The following C5orf52 variants were observed in gnomAD, a reference collection of about 807,000 sequenced individuals.
C5orf52 encodes uncharacterized protein C5orf52.
C5orf52 carries 15 observed loss-of-function variants against 16.8 expected under a neutral mutation model. The ratio of observed to expected loss-of-function variants is 0.89; its 90% CI spans 0.60 to 1.38. The LOEUF (loss-of-function observed/expected upper bound fraction) is 1.38, where lower values mean the gene tolerates loss of function less well. C5orf52 is among the 40% of genes most tolerant of loss of function. The pLI is 0.00. For missense variants in C5orf52, 206 were observed against 213.1 expected, an observed-to-expected ratio of 0.97 and a Z score of 0.21; for synonymous variants, 83 against 87.2, an observed-to-expected ratio of 0.95 and a Z score of 0.27.
intron 1 of C5orf52, among the ~76,000 whole-genome samples, chr5:157,674,066 C>T (rs951601496): frequency 4.6e-5 from 7 of 152,298 alleles, no homozygotes; most frequent in Admixed American, 2.0e-4. Context: ...ATCCACTTTT[C>T]ACCATTTTCT....
rs1759791061 is a variant in C5orf52, at chr5:157,671,588, A to G, written c.-27A>G. ...GGCTGGCAACCAGCCACCAGTTTCC[A>G]ACTCTTTCTCCAACAGGGAAGCCGC... On this transcript the variant is annotated 5_prime_UTR_variant, in exon 1 of 3. Transcript: ENST00000409999. The G allele has an allele frequency of 6.5e-7, 1 of 1,533,034 alleles. No homozygotes were observed. Among genetic ancestry groups the G allele is most frequent in the Admixed American group, 2.1e-5 (1 of 47,932 alleles). The allele number at this position is 1,533,034 out of a possible 1,614,324, so 95.0% of individuals were successfully genotyped here.
intron 1 of C5orf52, among the ~76,000 whole-genome samples, chr5:157,673,841 C>CACCATCTTTGCCAGGCTGTTCTG (rs1323046225): frequency 6.6e-6 from 1 of 152,064 alleles, no homozygotes; most frequent in Non-Finnish European, 1.5e-5. Context: ...GATGGGGTTT[C>CACCATCTTTGCCAGGCTGTTCTG]ACCATCTTTG....
chr5:157,679,763 TG>T, intron 2 of C5orf52, 77 bp from the exon 3 acceptor site: 1 of 1,369,444 alleles, frequency 7.3e-7, no homozygotes, highest in East Asian at 2.5e-5. Context: ...GTAGCACAGA[TG>T]TCTGCCCTGC....
At position 157,671,580 on chromosome 5, in the gene C5orf52, C is replaced by G; in HGVS notation, c.-35C>G. 1.3e-6 allele frequency: 2 copies of G among 1,518,014 alleles called. No individual in the cohort carries two copies. Among genetic ancestry groups the G allele is most frequent in the East Asian group, 2.5e-5 (1 of 40,500 alleles). 94.0% of individuals were successfully genotyped at this position (1,518,014 alleles called of 1,614,324 possible). A position where few individuals can be genotyped will look rare whatever the true frequency, so the allele number is the denominator to read the frequency against. ...CCTAGGTGGGCTGGCAACCAGCCAC[C>G]AGTTTCCAACTCTTTCTCCAACAGG... On this transcript the variant is annotated 5_prime_UTR_variant, in exon 1 of 3. Transcript: ENST00000409999.
intron 2 of C5orf52, among the ~76,000 whole-genome samples, chr5:157,679,120 C>T (rs955038197): frequency 1.1e-4 from 16 of 150,640 alleles, no homozygotes; most frequent in South Asian, 6.3e-4. Context: ...GGTGACAGTG[C>T]GAGACTCCAT....
chr5:157,676,895 G>C (rs1418295937), intron 2 of C5orf52, among the ~76,000 whole-genome samples: 1 of 138,580 alleles, frequency 7.2e-6, no homozygotes, highest in African/African-American at 2.8e-5. Flanking sequence ...TTGAGACAGG[G>C]TCTCACTCTT....
chr5:157,671,502 G>A (rs555974121), upstream of C5orf52: 1 of 853,062 alleles, frequency 1.2e-6, no homozygotes, highest in Admixed American at 3.1e-5. Flanking sequence ...GCAACGCGCC[G>A]CGCTCGGTTC....
intron 2 of C5orf52, among the ~76,000 whole-genome samples, chr5:157,678,034 T>A (rs1759936957): frequency 2.0e-5 from 3 of 151,800 alleles, no homozygotes; most frequent in Admixed American, 6.6e-5. Context: ...AGCGACTTGG[T>A]AATGGGGCTG....
intron 2 of C5orf52, among the ~76,000 whole-genome samples, chr5:157,677,151 T>G (rs1759910617): frequency 6.6e-6 from 1 of 152,314 alleles, no homozygotes; most frequent in East Asian, 1.9e-4. Context: ...ATTATAGGCA[T>G]GTTCCACCAT....
chr5:157,671,606 G>A lies in C5orf52; in HGVS notation c.-9G>A, dbSNP rs1040339167. 6.5e-7 allele frequency: 1 copy of A among 1,543,772 alleles called. No homozygotes were observed. The highest frequency in any genetic ancestry group is 1.4e-5 in the African/African-American group (1 of 72,616). On this transcript the variant is annotated 5_prime_UTR_variant, in exon 1 of 3. Transcript: ENST00000409999. Reference sequence around the variant, plus strand: ...AGTTTCCAACTCTTTCTCCAACAGGGAAGCCGCAATGACACAGCCGACTAG... The same window carrying A: ...AGTTTCCAACTCTTTCTCCAACAGGAAAGCCGCAATGACACAGCCGACTAG...
chr5:157,674,486 G>A (rs1302267829), intron 1 of C5orf52, among the ~76,000 whole-genome samples: 1 of 152,124 alleles, frequency 6.6e-6, no homozygotes, highest in Non-Finnish European at 1.5e-5. Context: ...GCTTTTGGCT[G>A]GGTGGGCGTG....
In C5orf52 at chr5:157,678,734, T is replaced by A. The variant is rs545803208; in HGVS notation, c.322-1107T>A. On this transcript the variant is annotated intron_variant, in intron 2 of 2. Coordinates refer to ENST00000409999, the MANE Select transcript of C5orf52 (RefSeq NM_001145132.2). Reference sequence around the variant, plus strand: ...CCTTGGCCCCCCAAAGTGCTGGGATTACAGATGTGAGCCACAGCGCCCAGC... The same window carrying A: ...CCTTGGCCCCCCAAAGTGCTGGGATAACAGATGTGAGCCACAGCGCCCAGC... Among the ~76,000 whole-genome samples, 6 of 152,334 alleles carry A rather than the reference T, an allele frequency of 3.9e-5. No homozygotes were observed. The South Asian group carries it at 1.2e-3, about 32-fold the overall frequency.
intron 2 of C5orf52, among the ~76,000 whole-genome samples, chr5:157,675,895 GTGCTGTC>G (rs1334233773): frequency 1.3e-5 from 2 of 152,232 alleles, no homozygotes; most frequent in East Asian, 3.9e-4. Flanking sequence ...GAAATCCTGA[GTGCTGTC>G]ACCCCACTGT....
intron 2 of C5orf52, among the ~76,000 whole-genome samples, chr5:157,677,133 G>A (rs974990852): frequency 1.3e-5 from 2 of 152,138 alleles, no homozygotes; most frequent in Admixed American, 6.5e-5. Flanking sequence ...GCTTCCCAAA[G>A]TGCTGGCATT....
At chr5:157,678,589 T>C (rs1264408542) in intron 2 of C5orf52, among the ~76,000 whole-genome samples, 1 of 152,194 alleles carries the variant, frequency 6.6e-6, no homozygotes, top group Non-Finnish European at 1.5e-5. Context: ...CCTGAGTAGC[T>C]GGGATTACAG....
At chr5:157,678,670 A>G (rs1197618713) in intron 2 of C5orf52, among the ~76,000 whole-genome samples, 1 of 152,088 alleles carries the variant, frequency 6.6e-6, no homozygotes, top group African/African-American at 2.4e-5. Flanking sequence ...CATGTTGGCC[A>G]GGCTGATCTC....
At chr5:157,677,055 A>C (rs1323104672) in intron 2 of C5orf52, among the ~76,000 whole-genome samples, 1 of 151,892 alleles carries the variant, frequency 6.6e-6, no homozygotes, top group African/African-American at 2.4e-5. Context: ...CTTTTAATAG[A>C]AACGGGGTTT....
intron 1 of C5orf52, among the ~76,000 whole-genome samples, chr5:157,672,775 C>A (rs999141882): frequency 2.6e-5 from 4 of 152,076 alleles, no homozygotes; most frequent in African/African-American, 9.7e-5. Flanking sequence ...CCTGCCTCAG[C>A]CTCCTGAGTA....
At chr5:157,678,470 T>C (rs1189387741) in intron 2 of C5orf52, among the ~76,000 whole-genome samples, 1 of 152,172 alleles carries the variant, frequency 6.6e-6, no homozygotes, top group African/African-American at 2.4e-5. Flanking sequence ...TTTCTTTTCT[T>C]TTCTGAGACA....
Sources: allele counts gnomAD v4.1 joint callset (sites outside exome capture counted in the v4.1 genomes callset), GRCh38; gene constraint gnomAD v4.1.1; transcripts MANE v1.5; gene names NCBI Gene and HGNC (gene_info 2026-07-23, HGNC 2026-07-21).